NFIB: variants seen among roughly 807,000 people sequenced by gnomAD.
The protein encoded by NFIB is nuclear factor 1 B-type.
A neutral mutation model predicts 61.5 loss-of-function variants in NFIB; 11 were observed. The ratio of observed to expected loss-of-function variants is 0.18; its 90% confidence interval spans 0.11 to 0.30. The LOEUF is 0.30. NFIB is among the 10% of genes least tolerant of loss of function. The pLI is 1.00. For missense variants in NFIB, 471 were observed against 608.9 expected (o/e 0.77, Z 2.38); for synonymous variants, 260 against 216.5 (o/e 1.20, Z -1.76).
rs185151532 is a variant in NFIB, at chr9:14,396,889, G to A, written c.108+1635C>T. On this transcript the variant is annotated intron_variant, in intron 1 of 8. Transcript: ENST00000380934. ...AGCCATTAATGGAATTGAAAAAGAAGAGAGGTGCCCCAAGAATGTGGGGAT... is the reference window on the plus strand; with the variant it reads ...AGCCATTAATGGAATTGAAAAAGAAAAGAGGTGCCCCAAGAATGTGGGGAT... 4.0e-4 allele frequency among the ~76,000 whole-genome samples: 61 copies of A among 152,274 alleles called. No homozygotes were observed. In the East Asian group the frequency reaches 0.011, roughly 28 times the overall value.
At chr9:14,351,306 A>G (rs2061108819) in intron 1 of NFIB, among the ~76,000 whole-genome samples, 1 of 152,204 alleles carries the variant, frequency 6.6e-6, no homozygotes, top group African/African-American at 2.4e-5. Context: ...ATTTGTCCAA[A>G]GGGCAGCTCT....
At chr9:14,252,181 A>C (rs2055705773) in intron 2 of NFIB, among the ~76,000 whole-genome samples, 1 of 152,190 alleles carries the variant, frequency 6.6e-6, no homozygotes, top group South Asian at 2.1e-4. Flanking sequence ...CTTCCTCCAG[A>C]AGAAAATACA....
intron 1 of NFIB, among the ~76,000 whole-genome samples, chr9:14,366,081 A>G (rs1230962748): frequency 6.6e-6 from 1 of 152,214 alleles, no homozygotes; most frequent in Non-Finnish European, 1.5e-5. Context: ...GCTCCTGATC[A>G]AAGTCTACCC....
chr9:14,382,870 G>A (rs1429345818), intron 1 of NFIB, among the ~76,000 whole-genome samples: 1 of 152,120 alleles, frequency 6.6e-6, no homozygotes, highest in African/African-American at 2.4e-5. Flanking sequence ...AGCAAATAAA[G>A]CAAGGGATGG....
intron 3 of NFIB, among the ~76,000 whole-genome samples, chr9:14,179,117 C>G (rs1387795767): frequency 2.0e-5 from 3 of 151,898 alleles, no homozygotes; most frequent in Non-Finnish European, 2.9e-5. Flanking sequence ...ATGTTCAGAG[C>G]TATATGAAGA....
the NFIB span, among the ~76,000 whole-genome samples, chr9:14,504,488 T>C: frequency 6.6e-6 from 1 of 152,236 alleles, no homozygotes; most frequent in African/African-American, 2.4e-5. Flanking sequence ...TTTGTTTGTG[T>C]CATCTATGAT....
At chr9:14,148,731 T>C (rs959548595) in intron 5 of NFIB, among the ~76,000 whole-genome samples, 8 of 152,142 alleles carry the variant, frequency 5.3e-5, no homozygotes, top group African/African-American at 1.9e-4. Flanking sequence ...ATCATGTATA[T>C]GCCTGAGTAC....
chr9:14,286,840 C>G (rs1349683132), intron 2 of NFIB, among the ~76,000 whole-genome samples: 5 of 152,180 alleles, frequency 3.3e-5, no homozygotes, highest in Non-Finnish European at 5.9e-5. Context: ...AAGGGGCAAA[C>G]TGAGAAAGAT....
rs190559150 is a variant in NFIB, at chr9:14,238,928, T to A, written c.563-59148A>T. Among the ~76,000 whole-genome samples, 191 of 152,334 alleles carry A rather than the reference T, an allele frequency of 1.3e-3. 2 individuals carry two copies. The highest frequency in any genetic ancestry group is 4.0e-3 in the Admixed American group (61 of 15,294). On this transcript the variant is annotated intron_variant, in intron 2 of 10. Transcript: ENST00000380953. ...TTCTTCCCTTCTCTGTTTTGTTTCCTAATTCCCAGGACTCCCTGGTGTCTC... is the reference window on the plus strand; with the variant it reads ...TTCTTCCCTTCTCTGTTTTGTTTCCAAATTCCCAGGACTCCCTGGTGTCTC...
chr9:14,167,308 C>T (rs1326311834), intron 3 of NFIB, among the ~76,000 whole-genome samples: 2 of 152,004 alleles, frequency 1.3e-5, no homozygotes, highest in East Asian at 1.9e-4. Flanking sequence ...TCTAGGAGGC[C>T]GAGGCAGGTG....
At chr9:14,187,009 GTGTGTGTGTGTGTGTGTA>G (rs1273495396) in intron 2 of NFIB, among the ~76,000 whole-genome samples, 544 of 12,486 alleles carry the variant, frequency 0.044, 4 homozygotes, top group South Asian at 0.066. Context: ...TCGCTCCTGT[GTGTGTGTGTGTGTGTGTA>G]TGTGTGTGTG....
chr9:14,171,042 C>A (rs2045512178), intron 3 of NFIB, among the ~76,000 whole-genome samples: 1 of 152,156 alleles, frequency 6.6e-6, no homozygotes, highest in Non-Finnish European at 1.5e-5. Context: ...AGCCCATGAA[C>A]GAGTCCTTTC....
At position 14,154,055 on chromosome 9, in the gene NFIB, G is replaced by C. The variant is rs2043134026; in HGVS notation, c.685+1770C>G. Among the ~76,000 whole-genome samples the C allele has an allele frequency of 2.0e-5, 3 of 152,116 alleles. No homozygotes were observed. The South Asian group carries it at 6.2e-4, about 31-fold the overall frequency. ...ATGACATTATAAGTTAAGAATGAAT[G>C]AATGAAGTATATTAAATTTACCTTG... On this transcript the variant is annotated intron_variant, in intron 4 of 10. Transcript: ENST00000380953.
chr9:14,255,699 G>A (rs957121296), intron 2 of NFIB, among the ~76,000 whole-genome samples: 10 of 152,094 alleles, frequency 6.6e-5, no homozygotes, highest in African/African-American at 1.9e-4. Flanking sequence ...GAAATACTTG[G>A]AGTGTTTAGA....
At chr9:14,489,478 T>C in the NFIB span, among the ~76,000 whole-genome samples, 1 of 152,206 alleles carries the variant, frequency 6.6e-6, no homozygotes, top group Non-Finnish European at 1.5e-5. Context: ...ATTGTCTATC[T>C]TTGTATTCAC....
At chr9:14,206,204 G>T in intron 2 of NFIB, among the ~76,000 whole-genome samples, 2 of 148,738 alleles carry the variant, frequency 1.3e-5, no homozygotes, top group African/African-American at 5.0e-5. Context: ...TCTTTGAGAT[G>T]GAATCTCACT....
intron 2 of NFIB, among the ~76,000 whole-genome samples, chr9:14,294,593 A>C (rs2059304186): frequency 6.6e-6 from 1 of 152,232 alleles, no homozygotes; most frequent in Non-Finnish European, 1.5e-5. Flanking sequence ...GTTATCAAAA[A>C]GAAAAGGAAT....
intron 2 of NFIB, among the ~76,000 whole-genome samples, chr9:14,295,741 G>C (rs1010545611): frequency 3.9e-5 from 6 of 152,148 alleles, no homozygotes; most frequent in African/African-American, 1.4e-4. Flanking sequence ...CTCCCAAATG[G>C]TGGCAATTTA....
At chr9:14,093,086 A>T (rs1441350995) in intron 10 of NFIB, among the ~76,000 whole-genome samples, 3 of 152,214 alleles carry the variant, frequency 2.0e-5, no homozygotes, top group Non-Finnish European at 1.5e-5. Context: ...AGGGTGCCAC[A>T]TTAAACATGT....
Sources: allele counts gnomAD v4.1 joint callset (sites outside exome capture counted in the v4.1 genomes callset), GRCh38; gene constraint gnomAD v4.1.1; transcripts MANE v1.5; gene names NCBI Gene and HGNC (gene_info 2026-07-23, HGNC 2026-07-21).